Variants in SORCS1 observed in about 807,000 individuals in gnomAD.
SORCS1 encodes sortilin related VPS10 domain containing receptor 1.
Under a neutral mutation model 146.1 loss-of-function variants are expected in SORCS1, and 60 were observed. That is an observed-to-expected ratio of 0.41 (90% CI 0.33 to 0.51). SORCS1 has a LOEUF of 0.51. Among genes scored for constraint, SORCS1 ranks in the 20% least tolerant of loss-of-function variants. SORCS1 has a pLI of 0.21. For synonymous variants in SORCS1, 637 were observed against 584.0 expected, an observed-to-expected ratio of 1.09 and a Z score of -1.31; for missense variants, 1,352 against 1,487.6, an observed-to-expected ratio of 0.91 and a Z score of 1.50.
chr10:106,729,955 T>C (rs1201211452), intron 6 of SORCS1, 95 bp downstream of exon 6: 2 of 1,444,968 alleles, frequency 1.4e-6, no homozygotes, highest in East Asian at 2.3e-5. Flanking sequence ...ACTATTACTC[T>C]GCATACACCA....
chr10:107,015,026 A>C (rs916511045), intron 1 of SORCS1, among the ~76,000 whole-genome samples: 21 of 152,196 alleles, frequency 1.4e-4, no homozygotes, highest in Middle Eastern at 3.2e-3. Context: ...CTTTGCAAGG[A>C]GGCTCCTCAG....
At chr10:107,105,475 C>T (rs866603989) in intron 1 of SORCS1, among the ~76,000 whole-genome samples, 3 of 152,294 alleles carry the variant, frequency 2.0e-5, no homozygotes, top group Admixed American at 6.5e-5. Flanking sequence ...AGTCCCAAAA[C>T]GTCAGAAGTC....
Position 106,728,839 on chromosome 10 carries a change from C to T in SORCS1, c.1024+1211G>A, listed in dbSNP as rs138601254. ...ATGAGATGGTCACTCTCTGGGCCAG[C>T]GCTGGGTAGCCTACAACAGCCTCAT... On this transcript the variant is annotated intron_variant, in intron 6 of 25. Coordinates refer to ENST00000263054, the MANE Select transcript of SORCS1 (RefSeq NM_052918.5). Among the ~76,000 whole-genome samples, 733 of 152,284 alleles carry T rather than the reference C, an allele frequency of 4.8e-3. 2 individuals are homozygous for T. The highest frequency in any genetic ancestry group is 0.01 in the Middle Eastern group (3 of 294).
intron 5 of SORCS1, among the ~76,000 whole-genome samples, chr10:106,732,933 A>G (rs897020796): frequency 6.6e-6 from 1 of 152,000 alleles, no homozygotes; most frequent in African/African-American, 2.4e-5. Context: ...ATCCTGGCCA[A>G]CATGGTGAAA....
rs992979987 is a variant in SORCS1 at position 106,915,974 on chromosome 10, G to T, written c.626+40539C>A. 3.3e-5 allele frequency among the ~76,000 whole-genome samples: 5 copies of T among 152,246 alleles called. No individual in the cohort carries two copies. In the East Asian group the frequency reaches 7.7e-4, roughly 24 times the overall value. On this transcript the variant is annotated intron_variant, in intron 2 of 25. Coordinates refer to ENST00000263054, the MANE Select transcript of SORCS1 (RefSeq NM_052918.5). ...AGGAAAAGATTGCTTGCAATGAAAGGTATCCTAAAAACCTTGATGGCTCTA... is the reference window on the plus strand; with the variant it reads ...AGGAAAAGATTGCTTGCAATGAAAGTTATCCTAAAAACCTTGATGGCTCTA...
At chr10:106,588,945 G>A (rs1209812978) in intron 24 of SORCS1, among the ~76,000 whole-genome samples, 1 of 146,914 alleles carries the variant, frequency 6.8e-6, no homozygotes, top group Admixed American at 6.8e-5. Flanking sequence ...GTGAGGCTTA[G>A]AAAATCTCTA....
intron 1 of SORCS1, among the ~76,000 whole-genome samples, chr10:107,152,735 G>A (rs1159214748): frequency 6.6e-6 from 1 of 152,226 alleles, no homozygotes; most frequent in Non-Finnish European, 1.5e-5. Flanking sequence ...CGAACTGTGA[G>A]TCAATTAAAC....
At chr10:107,055,947 G>T (rs888221644) in intron 1 of SORCS1, among the ~76,000 whole-genome samples, 3 of 152,182 alleles carry the variant, frequency 2.0e-5, no homozygotes, top group Admixed American at 6.5e-5. Flanking sequence ...GGATTGCTTT[G>T]AGAGATTGCC....
chr10:106,985,324 T>C (rs1956419905), intron 1 of SORCS1, among the ~76,000 whole-genome samples: 1 of 152,132 alleles, frequency 6.6e-6, no homozygotes. Flanking sequence ...ATAAACCAAG[T>C]TGAAGTTGAT....
At chr10:106,709,069 T>G (rs1474606694) in intron 7 of SORCS1, among the ~76,000 whole-genome samples, 154 bp downstream of exon 7, 1 of 152,146 alleles carries the variant, frequency 6.6e-6, no homozygotes, top group Non-Finnish European at 1.5e-5. Flanking sequence ...ATCCTTTTAT[T>G]GAAAAGATAG....
chr10:106,587,463 G>T (rs1845309917), intron 24 of SORCS1, among the ~76,000 whole-genome samples: 1 of 152,242 alleles, frequency 6.6e-6, no homozygotes, highest in Non-Finnish European at 1.5e-5. Context: ...TTGACGAACG[G>T]TAATTCTCCC....
At chr10:106,811,263 AG>A (rs1463156204) in intron 3 of SORCS1, among the ~76,000 whole-genome samples, 2 of 152,176 alleles carry the variant, frequency 1.3e-5, no homozygotes, top group Admixed American at 1.3e-4. Flanking sequence ...TGTCCAGTAG[AG>A]GACTGCTGGT....
chr10:106,888,991 A>C (rs1021210401), intron 2 of SORCS1, among the ~76,000 whole-genome samples: 1 of 152,252 alleles, frequency 6.6e-6, no homozygotes, highest in Non-Finnish European at 1.5e-5. Flanking sequence ...AAAGATGTGA[A>C]AAACATCAAG....
Position 106,709,273 on chromosome 10 carries a change from A to C in SORCS1, c.1093T>G (p.Tyr365Asp), listed in dbSNP as rs774796830. The stretch of plus-strand genomic sequence containing the variant: ...ACAATCAAAGAGTCTGGGTCAATGT[A>C]GCCTGGAAAAGGCTGATTCCTGTTG... ...EANRNQPFPG[Y>D]IDPDSLIVQD... is the part of the protein sequence containing the mutation. Residue 365 changes from tyrosine (Y) to aspartate (D), a missense_variant, in exon 7 of 26, where the codon TAC (tyrosine) becomes GAC (aspartate). Coordinates refer to ENST00000263054, the MANE Select transcript of SORCS1 (RefSeq NM_052918.5). 3 of 1,613,950 alleles carry C rather than the reference A, an allele frequency of 1.9e-6. No homozygotes were observed. The highest frequency in any genetic ancestry group is 1.7e-5 in the Admixed American group (1 of 59,992).
At chr10:107,113,486 AG>A (rs1282810045) in intron 1 of SORCS1, among the ~76,000 whole-genome samples, 2 of 151,946 alleles carry the variant, frequency 1.3e-5, no homozygotes. Context: ...CAAGAGGTCA[AG>A]ACCATCATCC....
chr10:106,815,582 C>G (rs1947697990), intron 3 of SORCS1, among the ~76,000 whole-genome samples: 1 of 152,134 alleles, frequency 6.6e-6, no homozygotes, highest in Non-Finnish European at 1.5e-5. Flanking sequence ...TAAGAGAATG[C>G]TGACTTGGGT....
At chr10:106,871,147 G>A (rs1358801314) in intron 2 of SORCS1, among the ~76,000 whole-genome samples, 1 of 152,162 alleles carries the variant, frequency 6.6e-6, no homozygotes, top group Non-Finnish European at 1.5e-5. Context: ...AAACCACAAT[G>A]AGATAACATC....
chr10:107,084,786 A>T (rs1255503091), intron 1 of SORCS1, among the ~76,000 whole-genome samples: 5 of 152,150 alleles, frequency 3.3e-5, no homozygotes, highest in African/African-American at 1.2e-4. Flanking sequence ...CAAAACCACA[A>T]ATACTAAGTA....
At chr10:107,058,911 G>T (rs760571108) in intron 1 of SORCS1, among the ~76,000 whole-genome samples, 1 of 152,090 alleles carries the variant, frequency 6.6e-6, no homozygotes, top group South Asian at 2.1e-4. Context: ...TGGCAATAAG[G>T]TAAACACAAT....
Sources: gnomAD v4.1 joint callset for allele counts (sites outside exome capture counted in the v4.1 genomes callset) on GRCh38, gnomAD v4.1.1 for gene constraint, MANE v1.5 for transcripts, NCBI Gene and HGNC (gene_info 2026-07-23, HGNC 2026-07-21) for gene names.